Variants in NSRP1 observed in about 807,000 individuals in gnomAD.
NSRP1 encodes nuclear speckle splicing regulatory protein 1.
In NSRP1, 24 loss-of-function variants were observed where a neutral mutation model predicts 54.7. That is an observed-to-expected ratio of 0.44 (90% CI 0.32 to 0.62). The LOEUF (loss-of-function observed/expected upper bound fraction) is 0.62. Ranked by LOEUF, NSRP1 falls within the 20% of genes least tolerant of loss-of-function variation. NSRP1 has a pLI of 0.06. For synonymous variants in NSRP1, 210 were observed against 213.8 expected (o/e 0.98, Z 0.15); for missense variants, 596 against 651.2 (o/e 0.92, Z 0.92).
chr17:30,164,931 T>C (rs569474708), intron 2 of NSRP1, among the ~76,000 whole-genome samples: 12 of 152,204 alleles, frequency 7.9e-5, no homozygotes, highest in Non-Finnish European at 1.3e-4. Context: ...TATTGTGTGG[T>C]TTGGTCACAT....
At chr17:30,129,903 A>T (rs2071684229) in intron 2 of NSRP1, among the ~76,000 whole-genome samples, 1 of 152,172 alleles carries the variant, frequency 6.6e-6, no homozygotes, top group African/African-American at 2.4e-5. Flanking sequence ...TTACTAGTAA[A>T]TTTATGGTAC....
chr17:30,134,201 A>T (rs950906961), intron 2 of NSRP1, among the ~76,000 whole-genome samples: 1 of 152,248 alleles, frequency 6.6e-6, no homozygotes, highest in Admixed American at 6.5e-5. Flanking sequence ...CACAACATGT[A>T]TCAGTTAAGT....
chr17:30,131,268 C>T (rs911105877), intron 2 of NSRP1, among the ~76,000 whole-genome samples: 1 of 151,830 alleles, frequency 6.6e-6, no homozygotes, highest in Non-Finnish European at 1.5e-5. Context: ...TACAGTTTCT[C>T]TGTCTTTTAT....
chr17:30,174,192 C>G (rs1390331798), intron 3 of NSRP1, among the ~76,000 whole-genome samples: 1 of 152,090 alleles, frequency 6.6e-6, no homozygotes, highest in Non-Finnish European at 1.5e-5. Context: ...AATCCCAAAT[C>G]TGATTTTATT....
At chr17:30,180,356 A>G (rs1330255162) in intron 5 of NSRP1, among the ~76,000 whole-genome samples, 1 of 151,774 alleles carries the variant, frequency 6.6e-6, no homozygotes, top group Non-Finnish European at 1.5e-5. Context: ...GAGTTTTACC[A>G]TGTTGGCCAG....
chr17:30,155,165 AT>A (rs1442343875), intron 2 of NSRP1, among the ~76,000 whole-genome samples: 10 of 152,002 alleles, frequency 6.6e-5, no homozygotes, highest in African/African-American at 2.4e-5. Context: ...TATGTGAGAT[AT>A]TTTGGTACGG....
chr17:30,124,346 G>T (rs1160821569), intron 2 of NSRP1, among the ~76,000 whole-genome samples: 1 of 152,218 alleles, frequency 6.6e-6, no homozygotes, highest in African/African-American at 2.4e-5. Context: ...AATCTAGAGA[G>T]TTTTTTGATG....
chr17:30,167,534 G>A (rs1301086199), intron 2 of NSRP1, among the ~76,000 whole-genome samples: 2 of 151,892 alleles, frequency 1.3e-5, no homozygotes, highest in Non-Finnish European at 1.5e-5. Flanking sequence ...TCTTGAACCC[G>A]GGAGGCGGAG....
At chr17:30,157,920 A>G (rs142871348) in intron 2 of NSRP1, among the ~76,000 whole-genome samples, 199 of 152,274 alleles carry the variant, frequency 1.3e-3, no homozygotes, top group African/African-American at 4.5e-3. Context: ...GGTTGATTCC[A>G]TATCTTTGCT....
At chr17:30,136,125 A>G (rs2071749105) in intron 2 of NSRP1, among the ~76,000 whole-genome samples, 1 of 152,148 alleles carries the variant, frequency 6.6e-6, no homozygotes, top group African/African-American at 2.4e-5. Context: ...AGGCAGGAGA[A>G]TTGCTTGAAA....
At chr17:30,122,475 G>A (rs1188846249) in intron 2 of NSRP1, 2 of 127,058 alleles carry the variant, frequency 1.6e-5, no homozygotes, top group Non-Finnish European at 3.1e-5. Flanking sequence ...CGTGATCTCG[G>A]CTTATTGCAA....
At chr17:30,154,111 A>G (rs1365429031) in intron 2 of NSRP1, among the ~76,000 whole-genome samples, 1 of 151,868 alleles carries the variant, frequency 6.6e-6, no homozygotes, top group African/African-American at 2.4e-5. Context: ...AAACCCAGGA[A>G]GGAGTTCAAG....
rs750357312 is a variant in NSRP1 at position 30,184,953 on chromosome 17, A to C, written c.956A>C (p.Gln319Pro). Residue 319 changes from glutamine to proline, a missense_variant, in exon 7 of 7, where the codon CAG becomes CCG. Transcript: ENST00000247026. ...AGAGGACATGAGAAAAGGGAAGATC[A>C]GCACCAGCAGAAGCAATCCAGAGAC... is the stretch of plus-strand genomic sequence containing the variant. ...TSRGHEKRED[Q>P]HQQKQSRDQE... is the part of the protein sequence containing the mutation. The C allele has an allele frequency of 6.2e-7, 1 of 1,614,164 alleles. No homozygotes were observed. The highest frequency in any genetic ancestry group is 1.1e-5 in the South Asian group (1 of 91,076).
At chr17:30,118,014 A>G (rs913760784) in intron 1 of NSRP1, 66 bp from the exon 2 acceptor site, 12 of 1,191,068 alleles carry the variant, frequency 1.0e-5, no homozygotes, top group East Asian at 2.3e-5. Context: ...TGGAAGAGGT[A>G]GTAGATGTAT....
intron 2 of NSRP1, among the ~76,000 whole-genome samples, chr17:30,171,303 CT>C (rs34039932): frequency 0.41 from 44,901 of 108,212 alleles, 7,266 homozygotes; most frequent in East Asian, 0.69. Context: ...TTGTAATTGT[CT>C]TTTTTTTTTT....
chr17:30,179,245 G>T lies in NSRP1; in HGVS notation c.456G>T (p.Leu152=). The T allele has an allele frequency of 1.9e-6, 3 of 1,604,672 alleles. No homozygotes were observed. Among genetic ancestry groups the T allele is most frequent in the Middle Eastern group, 1.7e-4 (1 of 6,022 alleles). ...TGACATCTGCATATAAGAAAAAACTGCAAGAGAGAGCTGAAGAAGAAGAAA... is the reference window on the plus strand; with the variant it reads ...TGACATCTGCATATAAGAAAAAACTTCAAGAGAGAGCTGAAGAAGAAGAAA... ...AFVTSAYKKK[L]QERAEEEERE... Residue 152 remains leucine (L), a synonymous_variant, in exon 5 of 7, where the codon CTG becomes CTT. Transcript: ENST00000247026.
Position 30,179,202 on chromosome 17 carries a change from A to C in NSRP1, c.413A>C (p.Asp138Ala), listed in dbSNP as rs750680433. 1.2e-5 allele frequency: 19 copies of C among 1,611,882 alleles called. No individual in the cohort carries two copies. The Admixed American group carries it at 3.2e-4, about 27-fold the overall frequency. ...CGAGAAATGGAAAAGGGGGAGTTTG[A>C]TGATAAAGAAGCATTTGTGACATCT... ...REREMEKGEF[D>A]DKEAFVTSAY... The change falls in exon 5 of 7, where the codon GAT (aspartate) becomes GCT (alanine). Residue 138 changes from aspartate (D) to alanine (A), a missense_variant. Coordinates refer to ENST00000247026, the MANE Select transcript of NSRP1 (RefSeq NM_032141.4).
intron 2 of NSRP1, among the ~76,000 whole-genome samples, chr17:30,137,245 A>G (rs1178216126): frequency 6.6e-6 from 1 of 152,198 alleles, no homozygotes; most frequent in Non-Finnish European, 1.5e-5. Flanking sequence ...TTCACAAATC[A>G]TCTTATTTAC....
At chr17:30,157,433 T>C (rs1904348854) in intron 2 of NSRP1, among the ~76,000 whole-genome samples, 1 of 152,218 alleles carries the variant, frequency 6.6e-6, no homozygotes, top group South Asian at 2.1e-4. Context: ...CTAGAATGTT[T>C]TATCATTTTT....
Sources: gnomAD v4.1 joint callset for allele counts (sites outside exome capture counted in the v4.1 genomes callset) on GRCh38, gnomAD v4.1.1 for gene constraint, MANE v1.5 for transcripts, NCBI Gene and HGNC (gene_info 2026-07-23, HGNC 2026-07-21) for gene names.